The following FRMD4A variants were observed in gnomAD, a reference collection of about 807,000 sequenced individuals.
FRMD4A encodes the protein FERM domain-containing protein 4A.
Under a neutral mutation model 129.1 loss-of-function variants are expected in FRMD4A, and 29 were observed. The ratio of observed to expected loss-of-function variants is 0.22; its 90% CI spans 0.17 to 0.31. FRMD4A has a LOEUF of 0.31. Among genes scored for constraint, FRMD4A ranks in the 10% least tolerant of loss-of-function variants. The probability of loss-of-function intolerance (pLI) is 1.00; values close to 1 mark genes in which losing one functional copy is unlikely to be tolerated. For missense variants in FRMD4A, 1,272 were observed against 1,375.8 expected (o/e 0.92, Z 1.19); for synonymous variants, 634 against 571.6 (o/e 1.11, Z -1.56).
intron 13 of FRMD4A, among the ~76,000 whole-genome samples, chr10:13,703,402 C>T (rs1028531779): frequency 6.6e-6 from 1 of 152,178 alleles, no homozygotes; most frequent in Non-Finnish European, 1.5e-5. Context: ...AGTTAGGATG[C>T]CCAGGGGGAG....
At chr10:13,857,298 C>A (rs1022290053) in intron 3 of FRMD4A, among the ~76,000 whole-genome samples, 2 of 151,906 alleles carry the variant, frequency 1.3e-5, no homozygotes, top group South Asian at 2.1e-4. Context: ...AGGAGAATGA[C>A]AATTTACAGT....
At chr10:13,782,703 A>C (rs538142969) in intron 6 of FRMD4A, among the ~76,000 whole-genome samples, 4 of 152,272 alleles carry the variant, frequency 2.6e-5, no homozygotes, top group Admixed American at 6.5e-5. Flanking sequence ...CGGCCTCCCA[A>C]AGTGTTGGGA....
At chr10:13,871,346 C>T (rs548506800) in intron 2 of FRMD4A, among the ~76,000 whole-genome samples, 9 of 152,252 alleles carry the variant, frequency 5.9e-5, no homozygotes, top group South Asian at 2.1e-4. Flanking sequence ...GTCTGGACAC[C>T]GGACCAGCGG....
chr10:14,163,556 C>T (rs1841015231), intron 2 of FRMD4A, among the ~76,000 whole-genome samples: 1 of 152,124 alleles, frequency 6.6e-6, no homozygotes, highest in Non-Finnish European at 1.5e-5. Flanking sequence ...TTAAACTTTC[C>T]CTTTTGTTTG....
intron 23 of FRMD4A, 118 bp downstream of exon 23, chr10:13,654,298 C>T (rs1317150734): frequency 1.3e-6 from 1 of 757,912 alleles, no homozygotes; most frequent in South Asian, 1.5e-5. Context: ...AAGGAAGACA[C>T]CTCCCAGTGA....
At chr10:14,056,616 C>T (rs1382589578) in intron 2 of FRMD4A, among the ~76,000 whole-genome samples, 1 of 152,138 alleles carries the variant, frequency 6.6e-6, no homozygotes, top group Non-Finnish European at 1.5e-5. Context: ...CAGTCGCATC[C>T]TCTGTCCCAG....
chr10:13,826,286 A>G (rs2093699646), intron 3 of FRMD4A, among the ~76,000 whole-genome samples: 1 of 152,146 alleles, frequency 6.6e-6, no homozygotes, highest in South Asian at 2.1e-4. Flanking sequence ...GTCATCCTTC[A>G]TCTCGGGAAC....
intron 2 of FRMD4A, among the ~76,000 whole-genome samples, chr10:13,907,688 C>G (rs1432405445): frequency 1.3e-5 from 2 of 152,118 alleles, no homozygotes; most frequent in Admixed American, 6.6e-5. Flanking sequence ...GAATAGACAG[C>G]CTCTCACTTT....
chr10:14,265,506 T>C (rs1387775048), intron 2 of FRMD4A, among the ~76,000 whole-genome samples: 2 of 152,216 alleles, frequency 1.3e-5, no homozygotes, highest in African/African-American at 2.4e-5. Context: ...GTAAATCATA[T>C]GAATTTTGAA....
intron 2 of FRMD4A, among the ~76,000 whole-genome samples, chr10:14,267,907 A>G (rs1173546227): frequency 6.6e-6 from 1 of 152,218 alleles, no homozygotes; most frequent in East Asian, 1.9e-4. Flanking sequence ...CTGAACTACA[A>G]ATGTTAGAAT....
intron 2 of FRMD4A, among the ~76,000 whole-genome samples, chr10:14,186,511 C>T (rs1047411527): frequency 4.6e-5 from 7 of 152,164 alleles, no homozygotes. Context: ...TCCCTGGGAA[C>T]AATAAAAGCT....
chr10:14,029,684 C>T (rs920997109), intron 2 of FRMD4A, among the ~76,000 whole-genome samples: 5 of 151,986 alleles, frequency 3.3e-5, no homozygotes, highest in African/African-American at 1.2e-4. Flanking sequence ...TATTTTCATG[C>T]CTGGGTCAGT....
intron 2 of FRMD4A, among the ~76,000 whole-genome samples, chr10:13,865,290 G>A (rs566189874): frequency 3.3e-5 from 5 of 152,170 alleles, no homozygotes; most frequent in Admixed American, 6.5e-5. Context: ...TCATCATAAC[G>A]TTAGCTGTTA....
chr10:13,959,789 C>T (rs374781243), intron 2 of FRMD4A, among the ~76,000 whole-genome samples: 10 of 152,302 alleles, frequency 6.6e-5, no homozygotes, highest in East Asian at 5.8e-4. Context: ...GATCAGAGCC[C>T]TGCAACACGG....
intron 2 of FRMD4A, among the ~76,000 whole-genome samples, chr10:14,106,437 T>C (rs1485117370): frequency 1.3e-5 from 2 of 152,242 alleles, no homozygotes; most frequent in East Asian, 3.9e-4. Flanking sequence ...TAATTACTAC[T>C]GGATTGGTTG....
chr10:14,224,699 G>A (rs552055108), intron 2 of FRMD4A, among the ~76,000 whole-genome samples: 5 of 152,252 alleles, frequency 3.3e-5, no homozygotes, highest in African/African-American at 1.2e-4. Context: ...ATAAGAGAAG[G>A]AAGCTTAAAA....
rs554613671 is a variant in FRMD4A, at chr10:14,012,387, T to C, written c.46-153475A>G. On this transcript the variant is annotated intron_variant, in intron 2 of 24. Coordinates refer to ENST00000357447, the MANE Select transcript of FRMD4A (RefSeq NM_018027.5). The stretch of plus-strand genomic sequence containing the variant: ...ATTAAAACCCTGGAAGGAAAATGCA[T>C]AGGAATCCATTGAGCCAGGTTTCAG... Among the ~76,000 whole-genome samples, 8 of 152,262 alleles carry C rather than the reference T, an allele frequency of 5.3e-5. No homozygotes were observed. The South Asian group carries it at 1.4e-3, about 28-fold the overall frequency.
At chr10:14,063,227 C>T (rs906415156) in intron 2 of FRMD4A, among the ~76,000 whole-genome samples, 1 of 151,612 alleles carries the variant, frequency 6.6e-6, no homozygotes. Context: ...CCAGCTCAGA[C>T]TCCCAGAAGT....
chr10:14,322,138 A>G (rs1755112), intron 2 of FRMD4A, among the ~76,000 whole-genome samples: 82,184 of 151,604 alleles, frequency 0.54, 22,529 homozygotes, highest in Non-Finnish European at 0.6. Context: ...ATAGCAATGC[A>G]AGAATGAACT....
Sources: allele counts gnomAD v4.1 joint callset (sites outside exome capture counted in the v4.1 genomes callset), GRCh38; gene constraint gnomAD v4.1.1; transcripts MANE v1.5; gene names NCBI Gene and HGNC (gene_info 2026-07-23, HGNC 2026-07-21).